Variants in SAG observed in about 807,000 individuals in gnomAD.
SAG encodes S-arrestin.
Under a neutral mutation model 55.0 loss-of-function variants are expected in SAG, and 45 were observed. The observed-to-expected ratio is 0.82, with a 90% CI of 0.64 to 1.05. The LOEUF (loss-of-function observed/expected upper bound fraction) is 1.05. Among genes scored for constraint, SAG ranks in the 50% least tolerant of loss-of-function variants. SAG has a pLI of 0.00. For missense variants in SAG, 455 were observed against 512.1 expected (o/e 0.89, Z 1.08); for synonymous variants, 189 against 197.4 (o/e 0.96, Z 0.36).
chr2:233,324,648 G>A (rs766151669), intron 6 of SAG, among the ~76,000 whole-genome samples: 1 of 152,166 alleles, frequency 6.6e-6, no homozygotes, highest in East Asian at 1.9e-4. Flanking sequence ...AGAGGAGTGA[G>A]TCAGGTGGAC....
intron 5 of SAG, among the ~76,000 whole-genome samples, chr2:233,322,691 C>T (rs1455805364): frequency 1.3e-5 from 2 of 152,114 alleles, no homozygotes; most frequent in South Asian, 2.1e-4. Context: ...ATCCCAGCTA[C>T]TCCACTGCAC....
At chr2:233,346,139 A>G (rs1701247513) in intron 14 of SAG, 1 of 170,198 alleles carries the variant, frequency 5.9e-6, no homozygotes, top group Non-Finnish European at 1.2e-5. Context: ...GGTGACAGAG[A>G]GAGACAGTCT....
Position 233,316,142 on chromosome 2 carries a change from T to A in SAG, c.136+7T>A. The A allele has an allele frequency of 6.4e-7, 1 of 1,561,148 alleles. No homozygotes were observed. The highest frequency in any genetic ancestry group is 8.8e-7 in the Non-Finnish European group (1 of 1,139,122). The stretch of plus-strand genomic sequence containing the variant: ...AGCCAAGTCCAGCCTGTGGGTAAGT[T>A]GCTTGGAGAAAACTGTAATGCTGGT... On this transcript the variant is annotated splice_region_variant and intron_variant, in intron 3 of 15. Coordinates refer to ENST00000409110, the MANE Select transcript of SAG (RefSeq NM_000541.5).
chr2:233,317,443 G>C (rs568854933), intron 3 of SAG, among the ~76,000 whole-genome samples: 2 of 152,296 alleles, frequency 1.3e-5, no homozygotes, highest in East Asian at 3.9e-4. Flanking sequence ...TACTATCTTT[G>C]CAACTTCCTG....
At chr2:233,316,940 C>A (rs1323914109) in intron 3 of SAG, among the ~76,000 whole-genome samples, 1 of 152,206 alleles carries the variant, frequency 6.6e-6, no homozygotes, top group Non-Finnish European at 1.5e-5. Context: ...TGGCTCACTG[C>A]AACCTCCACC....
In SAG at chr2:233,331,625, G is replaced by A. The variant is rs1312542774; in HGVS notation, c.734-15G>A. Reference sequence around the variant, plus strand: ...GACCAGTGCTGACCACCGGACTCCCGTCTTCCCCTTGCAGTGGAACAGGTG... The same window carrying A: ...GACCAGTGCTGACCACCGGACTCCCATCTTCCCCTTGCAGTGGAACAGGTG... On this transcript the variant is annotated splice_polypyrimidine_tract_variant and intron_variant, in intron 9 of 15. Transcript: ENST00000409110. The A allele has an allele frequency of 7.5e-6, 12 of 1,600,704 alleles. No individual in the cohort carries two copies. The highest frequency in any genetic ancestry group is 1.1e-5 in the South Asian group (1 of 90,690).
chr2:233,317,410 G>T (rs1700241622), intron 3 of SAG, among the ~76,000 whole-genome samples: 1 of 152,228 alleles, frequency 6.6e-6, no homozygotes, highest in Admixed American at 6.5e-5. Flanking sequence ...GAAACTGGAT[G>T]AAGGATACTA....
intron 9 of SAG, 128 bp downstream of exon 9, chr2:233,329,705 GT>G: frequency 4.5e-6 from 3 of 660,526 alleles, no homozygotes; most frequent in Non-Finnish European, 8.1e-6. Context: ...TGTCTCTGCT[GT>G]CATAGGCAGC....
intron 9 of SAG, among the ~76,000 whole-genome samples, chr2:233,330,155 G>C (rs760107599): frequency 1.3e-5 from 2 of 152,160 alleles, no homozygotes; most frequent in Non-Finnish European, 2.9e-5. Flanking sequence ...AAGCACAGGG[G>C]GTCTTATATA....
At chr2:233,336,254 C>T (rs539020784) in intron 11 of SAG, among the ~76,000 whole-genome samples, 2 of 152,292 alleles carry the variant, frequency 1.3e-5, no homozygotes, top group Admixed American at 6.5e-5. Context: ...ATGGCTCACA[C>T]CTGTAATCCC....
intron 15 of SAG, 144 bp from the exon 16 acceptor site, chr2:233,346,663 G>T: frequency 1.3e-6 from 1 of 750,472 alleles, no homozygotes; most frequent in Non-Finnish European, 2.3e-6. Flanking sequence ...TTTAAACGAA[G>T]CCTTGAGGAA....
At chr2:233,316,554 G>GCC (rs1559434190) in intron 3 of SAG, among the ~76,000 whole-genome samples, 1 of 152,030 alleles carries the variant, frequency 6.6e-6, no homozygotes, top group African/African-American at 2.4e-5. Context: ...CAGGTGATCC[G>GCC]CCCGCCTCGG....
intron 2 of SAG, among the ~76,000 whole-genome samples, chr2:233,314,599 G>A (rs1234101906): frequency 6.6e-6 from 1 of 152,210 alleles, no homozygotes; most frequent in African/African-American, 2.4e-5. Flanking sequence ...TGTGTGTCCC[G>A]GTCAGCCCGC....
At chr2:233,336,926 T>C (rs1277634101) in intron 11 of SAG, among the ~76,000 whole-genome samples, 4 of 152,052 alleles carry the variant, frequency 2.6e-5, no homozygotes, top group Admixed American at 6.6e-5. Context: ...CGAAAACCCA[T>C]ATCCACAAAA....
At chr2:233,339,219 T>A (rs1194273989) in intron 12 of SAG, among the ~76,000 whole-genome samples, 2 of 152,162 alleles carry the variant, frequency 1.3e-5, no homozygotes, top group Non-Finnish European at 2.9e-5. Context: ...CATACAAGAG[T>A]GCCAATATCT....
Position 233,340,248 on chromosome 2 carries a change from T to A in SAG, c.1023-207T>A, listed in dbSNP as rs1021136711. Among the ~76,000 whole-genome samples, 1 of 152,116 alleles carries A rather than the reference T, an allele frequency of 6.6e-6. No homozygotes were observed. The highest frequency in any genetic ancestry group is 2.4e-5 in the African/African-American group (1 of 41,446). ...CTGGGATTACAGGCATGATCCCCCA[T>A]GCCCGGCCTTTTTAAACTAATCATC... is the stretch of plus-strand genomic sequence containing the variant. On this transcript the variant is annotated intron_variant, in intron 12 of 15. Transcript: ENST00000409110. This position sits in a 1 kb window ranked among gnomAD's most constrained non-coding sequence, Gnocchi z 4.2.
intron 6 of SAG, among the ~76,000 whole-genome samples, chr2:233,326,041 T>G (rs1023254961): frequency 1.3e-5 from 2 of 152,126 alleles, no homozygotes; most frequent in Non-Finnish European, 2.9e-5. Context: ...TTTTGCCAGC[T>G]CTACTTTCCC....
At chr2:233,326,799 G>A (rs569357000) in intron 6 of SAG, among the ~76,000 whole-genome samples, 40 of 152,082 alleles carry the variant, frequency 2.6e-4, no homozygotes, top group Non-Finnish European at 5.6e-4. Context: ...ATCACAGTTG[G>A]GGACACCTAA....
chr2:233,347,004 A>G lies in SAG; in HGVS notation c.*92A>G, dbSNP rs2125357316. The G allele has an allele frequency of 1.4e-6, 1 of 693,658 alleles. No homozygotes were observed. The highest frequency in any genetic ancestry group is 2.5e-6 in the Non-Finnish European group (1 of 394,332). 43.0% of individuals were successfully genotyped at this position (693,658 alleles called of 1,614,324 possible). ...TTAGTCCTTTGGAGTTATGCTGCGTATGAAAGGATGAGTCTTCTTCCGAGA... is the reference window on the plus strand; with the variant it reads ...TTAGTCCTTTGGAGTTATGCTGCGTGTGAAAGGATGAGTCTTCTTCCGAGA... On this transcript the variant is annotated 3_prime_UTR_variant, in exon 16 of 16. Coordinates refer to ENST00000409110, the MANE Select transcript of SAG (RefSeq NM_000541.5). The surrounding 1 kb of genome is among the most constrained non-coding windows in gnomAD (Gnocchi z 4.5).
Sources: gnomAD v4.1 joint callset for allele counts (sites outside exome capture counted in the v4.1 genomes callset) on GRCh38, gnomAD v4.1.1 for gene constraint, Gnocchi (gnomAD v3.1) non-coding constraint, MANE v1.5 for transcripts, NCBI Gene and HGNC (gene_info 2026-07-23, HGNC 2026-07-21) for gene names.